Variants in PHF20 observed in about 807,000 individuals in gnomAD.
PHF20 encodes PHD finger protein 20, also known as glioma-expressed antigen 2.
PHF20 carries 23 observed loss-of-function variants against 113.5 expected under a neutral mutation model. The observed-to-expected ratio is 0.20, with a 90% confidence interval of 0.15 to 0.29. The LOEUF is 0.29. Among genes scored for constraint, PHF20 ranks in the 10% least tolerant of loss-of-function variants. The pLI is 1.00. For synonymous variants in PHF20, 434 were observed against 457.3 expected (o/e 0.95, Z 0.65); for missense variants, 943 against 1,219.6 (o/e 0.77, Z 3.38).
chr20:35,830,089 A>G (rs867910369), intron 2 of PHF20, among the ~76,000 whole-genome samples: 4 of 151,264 alleles, frequency 2.6e-5, no homozygotes, highest in South Asian at 4.2e-4. Context: ...AATTTTTTGT[A>G]TTTTAGTAGA....
chr20:35,827,353 G>C (rs1307640039), intron 2 of PHF20, among the ~76,000 whole-genome samples: 1 of 152,252 alleles, frequency 6.6e-6, no homozygotes, highest in Admixed American at 6.5e-5. Flanking sequence ...CAGTCTGAAT[G>C]CTTAACCTCT....
intron 2 of PHF20, among the ~76,000 whole-genome samples, chr20:35,833,263 A>G (rs534105736): frequency 1.4e-3 from 220 of 152,220 alleles, no homozygotes; most frequent in African/African-American, 5.1e-3. Context: ...GTGACCAGTT[A>G]TCTGACTTGC....
At chr20:35,902,714 C>T (rs529187319) in intron 10 of PHF20, among the ~76,000 whole-genome samples, 1 of 152,296 alleles carries the variant, frequency 6.6e-6, no homozygotes, top group South Asian at 2.1e-4. Flanking sequence ...CTTGCTTGCT[C>T]CAGGACCTTG....
At position 35,808,369 on chromosome 20, in the gene PHF20, C is replaced by T. The variant is rs367855355; in HGVS notation, c.83+6764C>T. Reference sequence around the variant, plus strand: ...GTTTGTTGTTTGACTTTAACAGGAACGCATCCGAGAGTTCACCATTAAGTA... The same window carrying T: ...GTTTGTTGTTTGACTTTAACAGGAATGCATCCGAGAGTTCACCATTAAGTA... On this transcript the variant is annotated intron_variant, in intron 2 of 17. Transcript: ENST00000374012. Among the ~76,000 whole-genome samples, 7 of 151,932 alleles carry T rather than the reference C, an allele frequency of 4.6e-5. No homozygotes were observed. The East Asian group carries it at 5.8e-4, about 13-fold the overall frequency.
At chr20:35,869,319 C>T (rs2054375291) in intron 6 of PHF20, 119 bp from the exon 7 acceptor site, 5 of 498,522 alleles carry the variant, frequency 1.0e-5, no homozygotes, top group Non-Finnish European at 1.7e-5. Context: ...TTTTGATGGC[C>T]CATTTATAAT....
intron 9 of PHF20, among the ~76,000 whole-genome samples, chr20:35,872,257 T>C (rs1365811504): frequency 6.6e-6 from 1 of 152,142 alleles, no homozygotes; most frequent in East Asian, 1.9e-4. Context: ...GCGCGATGGC[T>C]CATGCCTGTA....
chr20:35,785,329 T>G (rs1210025880), intron 1 of PHF20, among the ~76,000 whole-genome samples: 6 of 152,092 alleles, frequency 3.9e-5, no homozygotes, highest in African/African-American at 1.2e-4. Flanking sequence ...ATTTATTTAT[T>G]TATTTTTGAG....
Position 35,863,420 on chromosome 20 carries a change from T to G in PHF20, c.808+20T>G. On this transcript the variant is annotated intron_variant, in intron 6 of 17. Coordinates refer to ENST00000374012, the MANE Select transcript of PHF20 (RefSeq NM_016436.5). The stretch of plus-strand genomic sequence containing the variant: ...CTACTGGTGAGTTTTTTAAGTGGGC[T>G]CTGCAATGGGCAATGCCAGAGTATT... 6.4e-7 allele frequency: 1 copy of G among 1,568,424 alleles called. No individual in the cohort carries two copies. Among genetic ancestry groups the G allele is most frequent in the Non-Finnish European group, 8.6e-7 (1 of 1,162,796 alleles).
intron 2 of PHF20, among the ~76,000 whole-genome samples, chr20:35,819,211 G>A (rs529451479): frequency 3.3e-5 from 5 of 152,244 alleles, no homozygotes; most frequent in Non-Finnish European, 7.4e-5. Context: ...GATTACAGGC[G>A]TGAACCACTG....
intron 2 of PHF20, among the ~76,000 whole-genome samples, chr20:35,803,570 C>G (rs949675851): frequency 1.3e-5 from 2 of 151,690 alleles, no homozygotes; most frequent in African/African-American, 4.8e-5. Flanking sequence ...GATGATCTGC[C>G]TGCCTCGGCC....
intron 17 of PHF20, among the ~76,000 whole-genome samples, chr20:35,944,285 T>G (rs1344626268): frequency 6.6e-6 from 1 of 152,186 alleles, no homozygotes; most frequent in African/African-American, 2.4e-5. Context: ...AGCTTCCATC[T>G]CAGGAACTCC....
chr20:35,922,130 C>T (rs1050360979), intron 13 of PHF20, among the ~76,000 whole-genome samples: 14 of 152,192 alleles, frequency 9.2e-5, no homozygotes, highest in African/African-American at 3.4e-4. Context: ...TTCCCAGGCT[C>T]CACAAGACCT....
Position 35,938,695 on chromosome 20 carries a change from A to G in PHF20, c.2301-2A>G, listed in dbSNP as rs1214564700. ...CCCATGTCCTCTTTGTCCTCTCAAC[A>G]GAAGCCGGGAGCATCCTGATCTGCC... On this transcript the variant is annotated splice_acceptor_variant, in intron 15 of 17. Transcript: ENST00000374012. LOFTEE classifies it high-confidence loss of function. The G allele has an allele frequency of 1.9e-6, 3 of 1,599,426 alleles. No individual in the cohort carries two copies. The South Asian group carries it at 3.4e-5, about 18-fold the overall frequency.
intron 1 of PHF20, among the ~76,000 whole-genome samples, chr20:35,772,534 A>G (rs1330111627): frequency 6.6e-6 from 1 of 152,184 alleles, no homozygotes; most frequent in African/African-American, 2.4e-5. Context: ...TGGGGAGCAC[A>G]TTCCTTTCTC....
chr20:35,857,578 T>G (rs1309059971), intron 4 of PHF20, among the ~76,000 whole-genome samples: 16 of 142,546 alleles, frequency 1.1e-4, no homozygotes, highest in East Asian at 8.1e-4. Flanking sequence ...TTTTTTTTTT[T>G]TTTTTTTTGT....
chr20:35,945,484 G>A (rs532947208), intron 17 of PHF20, among the ~76,000 whole-genome samples: 1 of 152,190 alleles, frequency 6.6e-6, no homozygotes, highest in South Asian at 2.1e-4. Context: ...AGAAACAGAG[G>A]ATTTAGAAAG....
intron 15 of PHF20, among the ~76,000 whole-genome samples, chr20:35,932,019 C>A (rs1455785999): frequency 6.6e-6 from 1 of 150,862 alleles, no homozygotes; most frequent in Admixed American, 6.6e-5. Flanking sequence ...AGAATCAATA[C>A]ATGGTGTGTG....
intron 2 of PHF20, among the ~76,000 whole-genome samples, chr20:35,812,749 A>G (rs2041999854): frequency 6.6e-6 from 1 of 152,118 alleles, no homozygotes. Flanking sequence ...ACCATTATAA[A>G]GGTGTATTTT....
intron 2 of PHF20, among the ~76,000 whole-genome samples, chr20:35,824,999 C>T (rs1295628056): frequency 6.6e-6 from 1 of 152,110 alleles, no homozygotes; most frequent in South Asian, 2.1e-4. Context: ...TGGGTATTTA[C>T]AGTGTTTCTT....
Sources: gnomAD v4.1 joint callset for allele counts (sites outside exome capture counted in the v4.1 genomes callset) on GRCh38, gnomAD v4.1.1 for gene constraint, MANE v1.5 for transcripts, NCBI Gene and HGNC (gene_info 2026-07-23, HGNC 2026-07-21) for gene names.